The following LIPC variants were observed in gnomAD, a reference collection of about 807,000 sequenced individuals.
The protein encoded by LIPC is hepatic triacylglycerol lipase.
Under a neutral mutation model 50.7 loss-of-function variants are expected in LIPC, and 44 were observed. That is an observed-to-expected ratio of 0.87 (90% confidence interval 0.68 to 1.11). LIPC has a LOEUF of 1.11. Ranked by LOEUF, LIPC falls within the 50% of genes most tolerant of loss-of-function variation. The pLI, the probability that LIPC is intolerant of heterozygous loss-of-function variation, is 0.00. For missense variants in LIPC, 697 were observed against 648.2 expected (o/e 1.08, Z -0.82); for synonymous variants, 271 against 256.4 (o/e 1.06, Z -0.54).
chr15:58,526,072 A>T (rs1892793101), intron 1 of LIPC, among the ~76,000 whole-genome samples: 2 of 151,972 alleles, frequency 1.3e-5, no homozygotes, highest in Admixed American at 1.3e-4. Context: ...CAAAACTCAT[A>T]CTCTTCACCA....
chr15:58,550,927 G>A (rs578219155), intron 6 of LIPC, among the ~76,000 whole-genome samples: 1 of 147,158 alleles, frequency 6.8e-6, no homozygotes, highest in Admixed American at 6.8e-5. Flanking sequence ...ACCTCCACCT[G>A]CAGGGTTCAA....
chr15:58,545,888 T>A lies in LIPC; in HGVS notation c.721T>A (p.Tyr241Asn). The change falls in exon 5 of 9, where the codon TAT becomes AAT. Residue 241 changes from tyrosine (Y) to asparagine (N), a missense_variant. Physicochemically the swap from Tyr to Asn is moderately radical, Grantham distance 143. Coordinates refer to ENST00000299022, the MANE Select transcript of LIPC (RefSeq NM_000236.3). ...SVGIKQPIGHYDFYPNGGSFQ... is the reference protein window; with the variant it reads ...SVGIKQPIGHNDFYPNGGSFQ... ...GGGCATCAAACAGCCCATAGGACACTATGACTTCTATCCCAACGGGGGCTC... is the reference window on the plus strand; with the variant it reads ...GGGCATCAAACAGCCCATAGGACACAATGACTTCTATCCCAACGGGGGCTC... The A allele has an allele frequency of 6.2e-7, 1 of 1,614,206 alleles. No homozygotes were observed. The highest frequency in any genetic ancestry group is 8.5e-7 in the Non-Finnish European group (1 of 1,180,028).
chr15:58,522,385 G>C lies in LIPC; in HGVS notation c.89-15948G>C, dbSNP rs371779109. 4.6e-5 allele frequency: 7 copies of C among 152,706 alleles called. No homozygotes were observed. In the East Asian group the frequency reaches 1.2e-3, roughly 25 times the overall value. 9.5% of individuals were successfully genotyped at this position (152,706 alleles called of 1,614,324 possible). ...GCAAACAGAACACCAAGGCACCCTCGTCTTAGGATGCATTATATTCGGGGT... is the reference window on the plus strand; with the variant it reads ...GCAAACAGAACACCAAGGCACCCTCCTCTTAGGATGCATTATATTCGGGGT... On this transcript the variant is annotated intron_variant, in intron 1 of 8. Transcript: ENST00000299022.
intron 1 of LIPC, among the ~76,000 whole-genome samples, chr15:58,432,985 C>CT (rs1193169999): frequency 1.3e-5 from 2 of 152,178 alleles, no homozygotes; most frequent in African/African-American, 4.8e-5. Context: ...ATTTCAGAAG[C>CT]TTTTTTCCCC....
chr15:58,558,051 C>T (rs1348538666), intron 6 of LIPC, among the ~76,000 whole-genome samples: 4 of 149,016 alleles, frequency 2.7e-5, no homozygotes, highest in African/African-American at 9.9e-5. Context: ...CTTCCCAGGA[C>T]TTGCGCCTAT....
chr15:58,471,332 G>GGGGA (rs1555399305), intron 1 of LIPC, among the ~76,000 whole-genome samples: 4 of 138,740 alleles, frequency 2.9e-5, no homozygotes, highest in Non-Finnish European at 4.7e-5. Context: ...TAGAGATGGG[G>GGGGA]GGGGGTGGTC....
chr15:58,538,779 T>C (rs749388459), intron 2 of LIPC, among the ~76,000 whole-genome samples: 1 of 152,168 alleles, frequency 6.6e-6, no homozygotes, highest in East Asian at 1.9e-4. Flanking sequence ...ACACAGCCCA[T>C]TGGGGCCCAC....
At chr15:58,558,355 C>A (rs1388236878) in intron 6 of LIPC, among the ~76,000 whole-genome samples, 9 of 152,232 alleles carry the variant, frequency 5.9e-5, no homozygotes, top group Admixed American at 2.0e-4. Context: ...CAGGTGCAAG[C>A]CACCGTGCCC....
intron 1 of LIPC, among the ~76,000 whole-genome samples, chr15:58,438,087 A>G (rs1309652725): frequency 6.6e-6 from 1 of 152,160 alleles, no homozygotes; most frequent in Non-Finnish European, 1.5e-5. Context: ...ACCCGAAAAC[A>G]TGAATCGCCA....
intron 1 of LIPC, among the ~76,000 whole-genome samples, chr15:58,477,870 T>G (rs1242116628): frequency 6.6e-6 from 1 of 152,152 alleles, no homozygotes; most frequent in Non-Finnish European, 1.5e-5. Context: ...GACCTGAGTC[T>G]TGGGGAAAAT....
At chr15:58,532,423 G>A (rs1169480650) in intron 1 of LIPC, among the ~76,000 whole-genome samples, 1 of 152,202 alleles carries the variant, frequency 6.6e-6, no homozygotes, top group South Asian at 2.1e-4. Flanking sequence ...ACATGGCCTG[G>A]AGAGTTTTCA....
chr15:58,543,513 G>C (rs1252804170), intron 4 of LIPC, among the ~76,000 whole-genome samples: 1 of 152,050 alleles, frequency 6.6e-6, no homozygotes, highest in East Asian at 1.9e-4. Context: ...CCACCACTCA[G>C]CCACTCAAAC....
At chr15:58,494,878 G>A (rs1311813826) in intron 1 of LIPC, 5 of 455,828 alleles carry the variant, frequency 1.1e-5, no homozygotes, top group Admixed American at 4.7e-5. Flanking sequence ...AGCAACCCTG[G>A]TTTTTCTGTT....
At chr15:58,462,198 T>A (rs1017046988) in intron 1 of LIPC, among the ~76,000 whole-genome samples, 7 of 152,216 alleles carry the variant, frequency 4.6e-5, no homozygotes, top group African/African-American at 1.7e-4. Context: ...CCCTATAGGA[T>A]CGTGAGTGCT....
At chr15:58,452,328 T>C (rs555074285) in intron 1 of LIPC, among the ~76,000 whole-genome samples, 1 of 152,310 alleles carries the variant, frequency 6.6e-6, no homozygotes. Context: ...TTTGAGAACG[T>C]CTGCCTATAA....
intron 1 of LIPC, among the ~76,000 whole-genome samples, chr15:58,532,615 G>A (rs1057228225): frequency 2.6e-5 from 4 of 152,192 alleles, no homozygotes; most frequent in African/African-American, 7.2e-5. Flanking sequence ...TTATGCACTT[G>A]TGTGCCCAGT....
At chr15:58,440,209 G>T (rs1027578600) in intron 1 of LIPC, among the ~76,000 whole-genome samples, 27 of 152,184 alleles carry the variant, frequency 1.8e-4, no homozygotes, top group Admixed American at 1.3e-4. Flanking sequence ...AATAATCATT[G>T]CAAAAGCTAA....
intron 1 of LIPC, among the ~76,000 whole-genome samples, chr15:58,530,060 G>A (rs1273626302): frequency 3.3e-5 from 5 of 152,014 alleles, no homozygotes; most frequent in African/African-American, 1.2e-4. Flanking sequence ...GATGGGTGGT[G>A]TTACCTATAT....
chr15:58,502,300 T>C lies in LIPC; in HGVS notation c.89-36033T>C, dbSNP rs1057335149. 3.9e-5 allele frequency among the ~76,000 whole-genome samples: 6 copies of C among 152,166 alleles called. No individual in the cohort carries two copies. In the South Asian group the frequency reaches 1.2e-3, roughly 32 times the overall value. On this transcript the variant is annotated intron_variant, in intron 1 of 8. Transcript: ENST00000299022. ...TCTGCTCTGGAAACATTTCCATTCC[T>C]GTGCTGCTACAGAACCCACCCTCCC...
Sources: gnomAD v4.1 joint callset for allele counts (sites outside exome capture counted in the v4.1 genomes callset) on GRCh38, gnomAD v4.1.1 for gene constraint, MANE v1.5 for transcripts, NCBI Gene and HGNC (gene_info 2026-07-23, HGNC 2026-07-21) for gene names.